ADAMTS16: variants seen among roughly 807,000 people sequenced by gnomAD.
ADAMTS16 encodes ADAM metallopeptidase with thrombospondin type 1 motif 16.
ADAMTS16 carries 94 observed loss-of-function variants against 145.8 expected under a neutral mutation model. The observed-to-expected ratio is 0.64, with a 90% CI of 0.55 to 0.77. The LOEUF (loss-of-function observed/expected upper bound fraction) is 0.77. Ranked by LOEUF, ADAMTS16 falls within the 30% of genes least tolerant of loss-of-function variation. The pLI, the probability that ADAMTS16 is intolerant of heterozygous loss-of-function variation, is 0.00. For synonymous variants in ADAMTS16, 659 were observed against 604.3 expected (o/e 1.09, Z -1.33); for missense variants, 1,585 against 1,591.5 (o/e 1.00, Z 0.07).
chr5:5,227,325 G>A (rs1736795902), intron 11 of ADAMTS16, among the ~76,000 whole-genome samples: 1 of 152,206 alleles, frequency 6.6e-6, no homozygotes, highest in Admixed American at 6.5e-5. Context: ...TACTCTCTAA[G>A]ATAAAGCCTT....
intron 18 of ADAMTS16, among the ~76,000 whole-genome samples, chr5:5,270,649 A>T (rs1238576026): frequency 6.6e-6 from 1 of 152,218 alleles, no homozygotes; most frequent in African/African-American, 2.4e-5. Flanking sequence ...TTGTTGTTTC[A>T]TTGTATGATT....
At chr5:5,284,096 AC>A (rs1739029067) in intron 18 of ADAMTS16, among the ~76,000 whole-genome samples, 1 of 152,050 alleles carries the variant, frequency 6.6e-6, no homozygotes, top group Non-Finnish European at 1.5e-5. Context: ...TCTTTTTTGT[AC>A]CCTTTGGTTA....
intron 8 of ADAMTS16, among the ~76,000 whole-genome samples, chr5:5,195,816 A>G (rs934402968): frequency 2.0e-5 from 3 of 152,220 alleles, no homozygotes; most frequent in African/African-American, 7.2e-5. Flanking sequence ...CTAGTGATCT[A>G]TGCCCTTCCA....
At chr5:5,215,725 A>G (rs1050777498) in intron 10 of ADAMTS16, among the ~76,000 whole-genome samples, 3 of 146,402 alleles carry the variant, frequency 2.0e-5, no homozygotes, top group African/African-American at 7.6e-5. Flanking sequence ...TGGTATATAT[A>G]TATGTGGTAT....
At chr5:5,201,602 C>T (rs190987002) in intron 9 of ADAMTS16, among the ~76,000 whole-genome samples, 9 of 151,724 alleles carry the variant, frequency 5.9e-5, no homozygotes, top group East Asian at 3.9e-4. Flanking sequence ...ACATATTTAA[C>T]GTATACAGTA....
Position 5,187,749 on chromosome 5 carries a change from A to G in ADAMTS16, c.988A>G (p.Thr330Ala). 1 of 1,612,670 alleles carries G rather than the reference A, an allele frequency of 6.2e-7. No individual in the cohort carries two copies. Among genetic ancestry groups the G allele is most frequent in the Non-Finnish European group, 8.5e-7 (1 of 1,178,796 alleles). Reference sequence around the variant, plus strand: ...GGTATCTGCTTTATTCAAAGATGGAACAATAGGAGGAAACATCAACATTGC... The same window carrying G: ...GGTATCTGCTTTATTCAAAGATGGAGCAATAGGAGGAAACATCAACATTGC... ...NMVSALFKDG[T>A]IGGNINIAIV... The change falls in exon 6 of 23, where the codon ACA becomes GCA. Residue 330 changes from threonine to alanine, a missense_variant. By Grantham distance (58) the Thr-to-Ala change is moderately conservative. Coordinates refer to ENST00000274181, the MANE Select transcript of ADAMTS16 (RefSeq NM_139056.4).
rs1030077636 is a variant in ADAMTS16 at position 5,187,757 on chromosome 5, A to G, written c.996A>G (p.Gly332=). Reference sequence around the variant, plus strand: ...CTTTATTCAAAGATGGAACAATAGGAGGAAACATCAACATTGCAATTGTAG... The same window carrying G: ...CTTTATTCAAAGATGGAACAATAGGGGGAAACATCAACATTGCAATTGTAG... ...VSALFKDGTI[G]GNINIAIVGL... The change falls in exon 6 of 23, where the codon GGA becomes GGG. Residue 332 remains glycine (G), a synonymous_variant. Coordinates refer to ENST00000274181, the MANE Select transcript of ADAMTS16 (RefSeq NM_139056.4). 9.9e-6 allele frequency: 16 copies of G among 1,612,818 alleles called. No individual in the cohort carries two copies. Among genetic ancestry groups the G allele is most frequent in the Admixed American group, 3.3e-5 (2 of 59,976 alleles).
Position 5,203,985 on chromosome 5 carries a change from T to C in ADAMTS16, c.1451+3716T>C, listed in dbSNP as rs372893027. On this transcript the variant is annotated intron_variant, in intron 9 of 22. Transcript: ENST00000274181. The stretch of plus-strand genomic sequence containing the variant: ...AAATAATACATTTCGAGTCACACAC[T>C]GCTCTGTGATACAAAGCTCATCTTA... 5.3e-5 allele frequency among the ~76,000 whole-genome samples: 8 copies of C among 152,328 alleles called. No individual in the cohort carries two copies. In the East Asian group the frequency reaches 1.2e-3, roughly 22 times the overall value.
rs1384269403 is a variant in ADAMTS16, at chr5:5,242,179, T to C, written c.2650T>C (p.Ser884Pro). Residue 884 changes from serine to proline, a missense_variant, in exon 17 of 23, where the codon TCC (serine) becomes CCC (proline). Coordinates refer to ENST00000274181, the MANE Select transcript of ADAMTS16 (RefSeq NM_139056.4). ...CATCGTGCGCTCTGAGTGCTCCGTG[T>C]CCTGCGGAGGGGGTAGGTGCCTTCC... ...WAIVRSECSV[S>P]CGGGQMTVRE... 1 of 1,613,962 alleles carries C rather than the reference T, an allele frequency of 6.2e-7. No homozygotes were observed. Among genetic ancestry groups the C allele is most frequent in the Non-Finnish European group, 8.5e-7 (1 of 1,179,996 alleles).
chr5:5,227,370 A>G (rs143115412), intron 11 of ADAMTS16, among the ~76,000 whole-genome samples: 10 of 152,350 alleles, frequency 6.6e-5, no homozygotes, highest in African/African-American at 2.2e-4. Context: ...ATAAAATACA[A>G]AACTGTGATA....
At chr5:5,147,523 A>G (rs1471766817) in intron 3 of ADAMTS16, among the ~76,000 whole-genome samples, 1 of 152,210 alleles carries the variant, frequency 6.6e-6, no homozygotes, top group Non-Finnish European at 1.5e-5. Context: ...AAATTTTTTT[A>G]GATGTTAACA....
chr5:5,302,522 G>C (rs1739827875), intron 18 of ADAMTS16, among the ~76,000 whole-genome samples: 1 of 152,164 alleles, frequency 6.6e-6, no homozygotes. Context: ...GTAATTCCAA[G>C]AATCCTGTAA....
intron 17 of ADAMTS16, among the ~76,000 whole-genome samples, chr5:5,244,418 C>T (rs184663678): frequency 2.2e-4 from 33 of 152,254 alleles, no homozygotes; most frequent in Admixed American, 4.6e-4. Context: ...TCAAAACCTT[C>T]GACAGGGTAA....
chr5:5,309,799 T>C (rs555814610), intron 21 of ADAMTS16, among the ~76,000 whole-genome samples: 1 of 150,732 alleles, frequency 6.6e-6, no homozygotes, highest in African/African-American at 2.4e-5. Flanking sequence ...AGTGCATGTG[T>C]GGGTTTAGGA....
intron 3 of ADAMTS16, among the ~76,000 whole-genome samples, chr5:5,151,949 A>G (rs1734475266): frequency 6.6e-6 from 1 of 151,946 alleles, no homozygotes; most frequent in Admixed American, 6.6e-5. Flanking sequence ...TGCTACTTCT[A>G]TGTATTCAAC....
At chr5:5,151,215 CTTATTTATTTATTTATTTAT>C (rs3059259) in intron 3 of ADAMTS16, among the ~76,000 whole-genome samples, 3 of 145,778 alleles carry the variant, frequency 2.1e-5, no homozygotes, top group African/African-American at 5.2e-5. Context: ...TTTCTTTTCT[CTTATTTATTTATTTATTTAT>C]TTATTTATTT....
intron 10 of ADAMTS16, among the ~76,000 whole-genome samples, chr5:5,214,444 C>T (rs531461600): frequency 4.6e-5 from 7 of 152,218 alleles, no homozygotes; most frequent in East Asian, 3.9e-4. Flanking sequence ...CTTGCTCTAT[C>T]GCCCAGGTTG....
At chr5:5,278,389 T>C (rs543428395) in intron 18 of ADAMTS16, among the ~76,000 whole-genome samples, 2 of 152,318 alleles carry the variant, frequency 1.3e-5, no homozygotes, top group South Asian at 4.1e-4. Context: ...TTTATATCAC[T>C]CAGCTCTCTT....
chr5:5,176,578 T>C (rs1338258812), intron 3 of ADAMTS16, among the ~76,000 whole-genome samples: 1 of 152,152 alleles, frequency 6.6e-6, no homozygotes, highest in Non-Finnish European at 1.5e-5. Context: ...GTTGTACCCT[T>C]GAGGCTTCAG....
Sources: allele counts gnomAD v4.1 joint callset (sites outside exome capture counted in the v4.1 genomes callset), GRCh38; gene constraint gnomAD v4.1.1; transcripts MANE v1.5; gene names NCBI Gene and HGNC (gene_info 2026-07-23, HGNC 2026-07-21).